ANK2: variants seen among roughly 807,000 people sequenced by gnomAD.
ANK2 encodes the protein ankyrin 2.
A neutral mutation model predicts 360.5 loss-of-function variants in ANK2; 83 were observed. The ratio of observed to expected loss-of-function variants is 0.23; its 90% CI spans 0.19 to 0.28. ANK2 has a LOEUF of 0.28. Ranked by LOEUF, ANK2 falls within the 10% of genes least tolerant of loss-of-function variation. ANK2 has a pLI of 1.00. For missense variants in ANK2, 4,201 were observed against 4,795.7 expected (o/e 0.88, Z 3.66); for synonymous variants, 1,740 against 1,759.5 (o/e 0.99, Z 0.28).
rs751293026 is a variant in ANK2 at position 113,358,703 on chromosome 4, C to T, written c.10085C>T (p.Ser3362Leu). ...VPLQRVEQQL[S>L]DLDTSVQKTV... ...CTCCAAAGAGTTGAACAGCAGCTCT[C>T]AGATCTAGACACCTCTGTCCAGAAG... Residue 3362 changes from serine to leucine, a missense_variant, in exon 38 of 46, where the codon TCA (serine) becomes TTA (leucine). By Grantham distance (145) the Ser-to-Leu change is moderately radical. Around this residue, in one of 4 missense-constraint regions of ANK2, gnomAD observed 2,642 missense variants for 2,714.5 expected, o/e 0.97. Coordinates refer to ENST00000357077, the MANE Select transcript of ANK2 (RefSeq NM_001148.6). 6.2e-7 allele frequency: 1 copy of T among 1,614,082 alleles called. No individual in the cohort carries two copies. The highest frequency in any genetic ancestry group is 8.5e-7 in the Non-Finnish European group (1 of 1,179,966).
At chr4:113,167,844 G>C (rs1042726790) in intron 1 of ANK2, among the ~76,000 whole-genome samples, 2 of 152,068 alleles carry the variant, frequency 1.3e-5, no homozygotes, top group Non-Finnish European at 2.9e-5. Flanking sequence ...TTAATAAATG[G>C]AATAAAAGAC....
intron 45 of ANK2, among the ~76,000 whole-genome samples, chr4:113,380,263 A>AAAG (rs59736992): frequency 0.036 from 5,422 of 152,168 alleles, 319 homozygotes; most frequent in African/African-American, 0.12. Context: ...CTAAAAAAAA[A>AAAG]AAGAAGAATA....
Position 113,136,748 on chromosome 4 carries a change from T to C in ANK2, c.85-37668T>C, listed in dbSNP as rs528551096. Among the ~76,000 whole-genome samples, 13 of 139,590 alleles carry C rather than the reference T, an allele frequency of 9.3e-5. No individual in the cohort carries two copies. The South Asian group carries it at 3.0e-3, about 33-fold the overall frequency. The allele number at this position is 139,590 out of a possible 152,430, so 91.6% of individuals were successfully genotyped here. A position where few individuals can be genotyped will look rare whatever the true frequency, so the allele number is the denominator to read the frequency against. ...TCAGATAGGAGTCCATACCACATTA[T>C]TAAGGATTTTGGCTTTTTTTTTTTT... On this transcript the variant is annotated intron_variant, in intron 1 of 45. Transcript: ENST00000357077.
At chr4:112,932,058 A>G (rs968722144) in intron 2 of ANK2, among the ~76,000 whole-genome samples, 2 of 152,200 alleles carry the variant, frequency 1.3e-5, no homozygotes, top group Admixed American at 6.5e-5. Flanking sequence ...GTGGTGTACT[A>G]AGTGCAAGAG....
intron 1 of ANK2, among the ~76,000 whole-genome samples, chr4:112,894,149 C>T (rs1464656264): frequency 6.6e-6 from 1 of 151,814 alleles, no homozygotes. Context: ...TCAAAATGCC[C>T]TAGTTGGCTT....
At chr4:112,744,239 TAG>T in the ANK2 span, among the ~76,000 whole-genome samples, 1 of 152,192 alleles carries the variant, frequency 6.6e-6, no homozygotes, top group Non-Finnish European at 1.5e-5. Flanking sequence ...ATAGCTCACA[TAG>T]ATAAACTTAA....
At chr4:113,251,475 C>CTTTTTTTTT (rs1167630240) in intron 10 of ANK2, among the ~76,000 whole-genome samples, 8 of 88,120 alleles carry the variant, frequency 9.1e-5, no homozygotes, top group African/African-American at 1.4e-4. Context: ...AATACAAAAT[C>CTTTTTTTTT]TTTTTTTTTT....
chr4:112,818,369 GTC>G (rs1372304589), intron 1 of ANK2: 1 of 152,282 alleles, frequency 6.6e-6, no homozygotes, highest in Non-Finnish European at 1.5e-5. Flanking sequence ...CCCTCCTTGG[GTC>G]TGGGCTGGGC....
chr4:113,228,494 G>T (rs2099251998), intron 4 of ANK2, among the ~76,000 whole-genome samples: 1 of 152,046 alleles, frequency 6.6e-6, no homozygotes, highest in Non-Finnish European at 1.5e-5. Context: ...TTCCATCTAG[G>T]TTGCTGCAAA....
intron 1 of ANK2, among the ~76,000 whole-genome samples, chr4:113,088,635 G>A (rs2086112674): frequency 6.6e-6 from 1 of 151,234 alleles, no homozygotes; most frequent in Non-Finnish European, 1.5e-5. Context: ...GACGTTTTAT[G>A]TCTCCAAAAG....
chr4:112,782,173 A>C, the ANK2 span, among the ~76,000 whole-genome samples: 1 of 152,146 alleles, frequency 6.6e-6, no homozygotes, highest in African/African-American at 2.4e-5. Flanking sequence ...TATATATTGA[A>C]ATGCTTACTG....
intron 39 of ANK2, 49 bp from the exon 40 acceptor site, chr4:113,363,289 C>T (rs764373052): frequency 6.3e-7 from 1 of 1,595,640 alleles, no homozygotes; most frequent in Non-Finnish European, 8.6e-7. Flanking sequence ...AATGTAGAGA[C>T]TGAAACCTTG....
intron 1 of ANK2, among the ~76,000 whole-genome samples, chr4:113,125,420 C>G (rs570564171): frequency 6.6e-6 from 1 of 152,196 alleles, no homozygotes; most frequent in East Asian, 1.9e-4. Flanking sequence ...GATGTGAAAT[C>G]TAAGATTATA....
At chr4:113,035,847 G>A (rs1470601099) in intron 2 of ANK2, among the ~76,000 whole-genome samples, 1 of 151,854 alleles carries the variant, frequency 6.6e-6, no homozygotes, top group Non-Finnish European at 1.5e-5. Flanking sequence ...TACTGGATAT[G>A]AGAAATCGGA....
intron 1 of ANK2, among the ~76,000 whole-genome samples, chr4:112,837,321 T>C (rs1446843311): frequency 6.6e-6 from 1 of 152,234 alleles, no homozygotes; most frequent in Non-Finnish European, 1.5e-5. Context: ...TCTGCCTAGA[T>C]TTCAGAGGAT....
At chr4:113,176,842 C>T (rs2098227533) in intron 2 of ANK2, among the ~76,000 whole-genome samples, 1 of 152,112 alleles carries the variant, frequency 6.6e-6, no homozygotes, top group Non-Finnish European at 1.5e-5. Flanking sequence ...CAAGTGTTCT[C>T]ATTGTTCAAT....
intron 1 of ANK2, among the ~76,000 whole-genome samples, chr4:112,867,240 T>G (rs2070950480): frequency 6.6e-6 from 1 of 152,096 alleles, no homozygotes; most frequent in African/African-American, 2.4e-5. Context: ...GGCTATTGCT[T>G]TTTAAACTTT....
intron 2 of ANK2, among the ~76,000 whole-genome samples, chr4:112,935,695 A>C (rs1401164378): frequency 6.6e-6 from 1 of 152,080 alleles, no homozygotes; most frequent in African/African-American, 2.4e-5. Context: ...TACAAAAATT[A>C]GTTGGGTGTG....
intron 4 of ANK2, among the ~76,000 whole-genome samples, chr4:113,199,852 C>T (rs2098804839): frequency 6.6e-6 from 1 of 152,068 alleles, no homozygotes. Context: ...CAAAATAAGC[C>T]AGCTCTGTTC....
Sources: gnomAD v4.1 joint callset for allele counts (sites outside exome capture counted in the v4.1 genomes callset) on GRCh38, gnomAD v4.1.1 for gene constraint, gnomAD v4.1.1 regional missense constraint, MANE v1.5 for transcripts, NCBI Gene and HGNC (gene_info 2026-07-23, HGNC 2026-07-21) for gene names.